SYT9: variants seen among roughly 807,000 people sequenced by gnomAD.
The protein encoded by SYT9 is synaptotagmin-9.
A neutral mutation model predicts 48.4 loss-of-function variants in SYT9; 22 were observed. That is an observed-to-expected ratio of 0.45 (90% CI 0.32 to 0.65). The LOEUF (loss-of-function observed/expected upper bound fraction) is 0.65, where lower values mean the gene tolerates loss of function less well. Among genes scored for constraint, SYT9 ranks in the 30% least tolerant of loss-of-function variants. The probability of loss-of-function intolerance (pLI) is 0.03; values close to 1 mark genes in which losing one functional copy is unlikely to be tolerated. For missense variants in SYT9, 577 were observed against 622.0 expected (o/e 0.93, Z 0.77); for synonymous variants, 265 against 245.0 (o/e 1.08, Z -0.76).
intron 6 of SYT9, chr11:7,440,257 C>T (rs1847803862): frequency 6.6e-6 from 1 of 152,118 alleles, no homozygotes; most frequent in Non-Finnish European, 1.5e-5. Context: ...GAGTTGGAAC[C>T]CCCCTGAGTA....
intron 3 of SYT9, among the ~76,000 whole-genome samples, chr11:7,394,118 C>G (rs1035017465): frequency 2.6e-5 from 4 of 152,010 alleles, no homozygotes; most frequent in Admixed American, 6.5e-5. Flanking sequence ...CCCCTTCCCC[C>G]ACCCCACAAC....
upstream of SYT9, among the ~76,000 whole-genome samples, chr11:7,248,037 G>C (rs565144909): frequency 6.6e-6 from 1 of 152,200 alleles, no homozygotes; most frequent in East Asian, 1.9e-4. Flanking sequence ...GAGTAAGGTG[G>C]TATCGCATTG....
intron 3 of SYT9, among the ~76,000 whole-genome samples, chr11:7,376,253 C>T (rs1850450338): frequency 6.6e-6 from 1 of 151,378 alleles, no homozygotes; most frequent in Non-Finnish European, 1.5e-5. Flanking sequence ...CTACCTGTTT[C>T]TCTTTCTCTC....
At chr11:7,332,067 T>C (rs900665699) in intron 3 of SYT9, among the ~76,000 whole-genome samples, 16 of 152,202 alleles carry the variant, frequency 1.1e-4, no homozygotes, top group African/African-American at 3.9e-4. Flanking sequence ...AGAGGGATTC[T>C]CGTGCAAGTG....
Position 7,374,633 on chromosome 11 carries a change from C to G in SYT9, c.1045-41409C>G, listed in dbSNP as rs140661039. On this transcript the variant is annotated intron_variant, in intron 3 of 6. Transcript: ENST00000318881. ...CATTCTAACTGGCACAAGATGGTAT[C>G]TCATTGTGGTTTTGATTTTCTTTTC... is the stretch of plus-strand genomic sequence containing the variant. 4.5e-3 allele frequency among the ~76,000 whole-genome samples: 688 copies of G among 152,324 alleles called. 7 individuals carry two copies. The highest frequency in any genetic ancestry group is 0.016 in the African/African-American group (663 of 41,570).
At chr11:7,341,045 A>G (rs1480151845) in intron 3 of SYT9, among the ~76,000 whole-genome samples, 9 of 152,208 alleles carry the variant, frequency 5.9e-5, no homozygotes, top group Admixed American at 5.9e-4. Flanking sequence ...GCTCTGTCTC[A>G]GGGAAGTTTG....
At chr11:7,456,627 G>A (rs1848153967) in intron 6 of SYT9, among the ~76,000 whole-genome samples, 1 of 152,240 alleles carries the variant, frequency 6.6e-6, no homozygotes, top group Non-Finnish European at 1.5e-5. Flanking sequence ...GGTCAGTTGA[G>A]AGTGGGTGAT....
At chr11:7,388,080 ACTT>A (rs1209052064) in intron 3 of SYT9, among the ~76,000 whole-genome samples, 2 of 152,134 alleles carry the variant, frequency 1.3e-5, no homozygotes, top group East Asian at 3.8e-4. Flanking sequence ...TATTGCGTTT[ACTT>A]CTTCCCTAAA....
At position 7,369,794 on chromosome 11, in the gene SYT9, A is replaced by ACAAACACACACAC. The variant is rs1564879645; in HGVS notation, c.1045-46248_1045-46247insCAAACACACACAC. The stretch of plus-strand genomic sequence containing the variant: ...CATACACACCACACACACACACACA[A>ACAAACACACACAC]ACACACACACACACACACACACACA... On this transcript the variant is annotated intron_variant, in intron 3 of 6. Coordinates refer to ENST00000318881, the MANE Select transcript of SYT9 (RefSeq NM_175733.4). 7.5e-4 allele frequency among the ~76,000 whole-genome samples: 108 copies of ACAAACACACACAC among 143,980 alleles called. 1 individual carries two copies. The highest frequency in any genetic ancestry group is 3.5e-3 in the Middle Eastern group (1 of 288). The allele number at this position is 143,980 out of a possible 152,430, so 94.5% of individuals were successfully genotyped here.
At chr11:7,265,470 G>T (rs1360744858) in intron 1 of SYT9, among the ~76,000 whole-genome samples, 1 of 152,118 alleles carries the variant, frequency 6.6e-6, no homozygotes, top group East Asian at 1.9e-4. Context: ...GACTAAGTCA[G>T]CCTTCAGGGG....
At chr11:7,386,908 A>T (rs7114462) in intron 3 of SYT9, among the ~76,000 whole-genome samples, 1 of 152,066 alleles carries the variant, frequency 6.6e-6, no homozygotes, top group Non-Finnish European at 1.5e-5. Context: ...CACATGTCCA[A>T]CAATGATAGA....
At chr11:7,392,564 G>A (rs771620622) in intron 3 of SYT9, among the ~76,000 whole-genome samples, 19 of 150,252 alleles carry the variant, frequency 1.3e-4, no homozygotes, top group Non-Finnish European at 2.5e-4. Flanking sequence ...GCTTAGGATT[G>A]CTTTTGCTAT....
At chr11:7,337,682 G>A (rs1270670706) in intron 3 of SYT9, among the ~76,000 whole-genome samples, 3 of 152,176 alleles carry the variant, frequency 2.0e-5, no homozygotes, top group Non-Finnish European at 4.4e-5. Flanking sequence ...ATTTGTGTAT[G>A]TTGAACCAAC....
rs1195011913 is a variant in SYT9, at chr11:7,420,573, C to T, written c.1405C>T (p.His469Tyr). 1 of 1,614,020 alleles carries T rather than the reference C, an allele frequency of 6.2e-7. No homozygotes were observed. The highest frequency in any genetic ancestry group is 8.5e-7 in the Non-Finnish European group (1 of 1,180,028). Residue 469 changes from histidine (H) to tyrosine (Y), a missense_variant, in exon 6 of 7, where the codon CAC (histidine) becomes TAC (tyrosine). Coordinates refer to ENST00000318881, the MANE Select transcript of SYT9 (RefSeq NM_175733.4). ...CGAGGCTGAGAGGCTGGGCAGAGACCACTGGAGTGAAATGTTGTCATATCC... is the reference window on the plus strand; with the variant it reads ...CGAGGCTGAGAGGCTGGGCAGAGACTACTGGAGTGAAATGTTGTCATATCC... ...GNEAERLGRD[H>Y]WSEMLSYPRK...
chr11:7,267,585 T>A lies in SYT9; in HGVS notation c.145+15254T>A, dbSNP rs76133904. 1.4e-4 allele frequency among the ~76,000 whole-genome samples: 22 copies of A among 151,734 alleles called. No homozygotes were observed. In the East Asian group the frequency reaches 4.3e-3, roughly 29 times the overall value. ...ATACAATGGAGTATAACCAAAGCTA[T>A]ATCTAGATGACAATTTCTAATTCTC... On this transcript the variant is annotated intron_variant, in intron 1 of 6. Coordinates refer to ENST00000318881, the MANE Select transcript of SYT9 (RefSeq NM_175733.4).
intron 3 of SYT9, among the ~76,000 whole-genome samples, chr11:7,359,183 T>C (rs1418902421): frequency 4.7e-4 from 61 of 129,560 alleles, no homozygotes; most frequent in African/African-American, 1.7e-3. Context: ...CATGAACTCA[T>C]CATTTTTTAT....
At chr11:7,385,645 C>T (rs1028435901) in intron 3 of SYT9, among the ~76,000 whole-genome samples, 1 of 151,932 alleles carries the variant, frequency 6.6e-6, no homozygotes, top group African/African-American at 2.4e-5. Context: ...ACCCCTGAAC[C>T]TTAAAAAAAG....
At chr11:7,340,056 TTTCA>T (rs1178507902) in intron 3 of SYT9, among the ~76,000 whole-genome samples, 2 of 152,206 alleles carry the variant, frequency 1.3e-5, no homozygotes, top group Admixed American at 1.3e-4. Context: ...GTTTGTTCCT[TTTCA>T]TTGTTTTTTT....
upstream of SYT9, among the ~76,000 whole-genome samples, chr11:7,247,573 A>G (rs574296969): frequency 9.3e-4 from 136 of 146,482 alleles, 1 homozygote; most frequent in Middle Eastern, 3.6e-3. Flanking sequence ...ATATATACAC[A>G]TATACATATA....
Sources: gnomAD v4.1 joint callset for allele counts (sites outside exome capture counted in the v4.1 genomes callset) on GRCh38, gnomAD v4.1.1 for gene constraint, MANE v1.5 for transcripts, NCBI Gene and HGNC (gene_info 2026-07-23, HGNC 2026-07-21) for gene names.